The following CYRIB variants were observed in gnomAD, a reference collection of about 807,000 sequenced individuals.
The protein encoded by CYRIB is CYFIP-related Rac1 interactor B.
In CYRIB, 8 loss-of-function variants were observed where a neutral mutation model predicts 44.2. The observed-to-expected ratio is 0.18, with a 90% confidence interval of 0.11 to 0.33. The LOEUF is 0.33. Ranked by LOEUF, CYRIB falls within the 10% of genes least tolerant of loss-of-function variation. The pLI, the probability that CYRIB is intolerant of heterozygous loss-of-function variation, is 1.00. For missense variants in CYRIB, 185 were observed against 382.8 expected (o/e 0.48, Z 4.31); for synonymous variants, 131 against 127.2 (o/e 1.03, Z -0.20).
chr8:129,856,445 A>C (rs1484105494), intron 5 of CYRIB, among the ~76,000 whole-genome samples: 3 of 152,292 alleles, frequency 2.0e-5, no homozygotes, highest in Non-Finnish European at 4.4e-5. Flanking sequence ...AATACTAAAT[A>C]CTAATATTTC....
chr8:129,922,532 C>A (rs1380986261), intron 1 of CYRIB, among the ~76,000 whole-genome samples: 3 of 151,800 alleles, frequency 2.0e-5, no homozygotes, highest in Non-Finnish European at 4.4e-5. Context: ...AGTAGAACAC[C>A]CAGAAAAAAA....
At chr8:129,997,550 G>A (rs1174837135) in intron 1 of CYRIB, among the ~76,000 whole-genome samples, 1 of 152,198 alleles carries the variant, frequency 6.6e-6, no homozygotes, top group South Asian at 2.1e-4. Context: ...TGAGGGCCAA[G>A]GCACATAAAT....
chr8:129,914,869 G>A (rs1489797030), intron 1 of CYRIB, among the ~76,000 whole-genome samples: 1 of 152,140 alleles, frequency 6.6e-6, no homozygotes, highest in Admixed American at 6.6e-5. Flanking sequence ...AAGAAGGAAA[G>A]CAACTGAATC....
At chr8:129,977,453 T>C (rs965942069) in intron 1 of CYRIB, among the ~76,000 whole-genome samples, 2 of 152,152 alleles carry the variant, frequency 1.3e-5, no homozygotes, top group Non-Finnish European at 2.9e-5. Context: ...TATGTAAATG[T>C]CAATAATAAG....
intron 1 of CYRIB, among the ~76,000 whole-genome samples, chr8:129,972,276 G>A (rs1042783256): frequency 7.2e-5 from 11 of 152,060 alleles, no homozygotes; most frequent in Admixed American, 3.3e-4. Flanking sequence ...AATAATCACC[G>A]AACTGCTCAG....
chr8:129,954,980 G>A (rs1373657837), intron 2 of CYRIB, among the ~76,000 whole-genome samples: 3 of 152,134 alleles, frequency 2.0e-5, no homozygotes, highest in Non-Finnish European at 4.4e-5. Flanking sequence ...GTGGCCGGAC[G>A]CGGTGGCTGA....
intron 1 of CYRIB, among the ~76,000 whole-genome samples, chr8:130,000,542 A>G (rs2096885037): frequency 6.6e-6 from 1 of 151,892 alleles, no homozygotes; most frequent in South Asian, 2.1e-4. Flanking sequence ...AAAATATAAA[A>G]ATTAGCCAGC....
At chr8:129,850,947 A>C (rs1354864346) in intron 8 of CYRIB, 33 bp from the exon 11 acceptor site, 1 of 1,381,320 alleles carries the variant, frequency 7.2e-7, no homozygotes, top group Admixed American at 1.8e-5. Context: ...AAAAAAGTAA[A>C]AGTAACAAAC....
intron 1 of CYRIB, among the ~76,000 whole-genome samples, chr8:130,015,664 TCAAAGGACA>T (rs2097326280): frequency 6.6e-6 from 1 of 152,038 alleles, no homozygotes; most frequent in South Asian, 2.1e-4. Context: ...GACACACGTT[TCAAAGGACA>T]CACAGGTTTT....
intron 1 of CYRIB, among the ~76,000 whole-genome samples, chr8:130,012,310 A>G (rs2097243000): frequency 6.6e-6 from 1 of 152,176 alleles, no homozygotes; most frequent in East Asian, 1.9e-4. Flanking sequence ...CGCCACACAA[A>G]AGTCCACAAT....
At chr8:129,894,639 T>A (rs921521462) in intron 2 of CYRIB, 5 of 152,160 alleles carry the variant, frequency 3.3e-5, no homozygotes, top group Non-Finnish European at 1.5e-5. Flanking sequence ...AGGAGCAGTG[T>A]GAATAGTATC....
At chr8:130,004,018 TTATC>T (rs1471658309) in intron 1 of CYRIB, among the ~76,000 whole-genome samples, 1 of 152,126 alleles carries the variant, frequency 6.6e-6, no homozygotes, top group South Asian at 2.1e-4. Context: ...CTTTATTTAT[TTATC>T]TATTTATTTA....
intron 10 of CYRIB, among the ~76,000 whole-genome samples, chr8:129,847,611 G>T (rs2040845809): frequency 6.6e-6 from 1 of 152,218 alleles, no homozygotes; most frequent in Non-Finnish European, 1.5e-5. Context: ...AGTTATGAGA[G>T]GCTGAAAGCC....
chr8:129,903,528 C>A (rs1339074853), intron 1 of CYRIB, among the ~76,000 whole-genome samples, 178 bp from the exon 4 acceptor site: 2 of 152,092 alleles, frequency 1.3e-5, no homozygotes, highest in Non-Finnish European at 2.9e-5. Context: ...TATGGAGGAC[C>A]TATTTAGAGT....
At chr8:129,872,060 TATG>T (rs1218970648) in intron 3 of CYRIB, among the ~76,000 whole-genome samples, 21 of 152,220 alleles carry the variant, frequency 1.4e-4, no homozygotes, top group African/African-American at 5.1e-4. Context: ...TCTCAACATA[TATG>T]ATATTATAGG....
intron 7 of CYRIB, among the ~76,000 whole-genome samples, chr8:129,853,345 T>G (rs1300370673): frequency 6.6e-6 from 1 of 152,220 alleles, no homozygotes; most frequent in Non-Finnish European, 1.5e-5. Context: ...AAAAATCAAA[T>G]TGATGCAAAT....
intron 4 of CYRIB, chr8:129,868,661 C>T (rs953873800): frequency 7.2e-5 from 11 of 152,088 alleles, no homozygotes; most frequent in African/African-American, 2.4e-4. Context: ...AATCTTTGGT[C>T]ATAGCATTAC....
chr8:129,870,179 C>A (rs1351403835), intron 4 of CYRIB, among the ~76,000 whole-genome samples: 2 of 152,064 alleles, frequency 1.3e-5, no homozygotes, highest in Admixed American at 1.3e-4. Flanking sequence ...GAGGCCAAAG[C>A]AGGTTGGGGC....
At chr8:129,841,586 TA>T (rs2036329226) in exon 12 of CYRIB, 1 of 152,744 alleles carries the variant, frequency 6.5e-6, no homozygotes, top group Admixed American at 6.5e-5. Context: ...TAATAAAGGT[TA>T]AACACACAAC....
Sources: allele counts gnomAD v4.1 joint callset (sites outside exome capture counted in the v4.1 genomes callset), GRCh38; gene constraint gnomAD v4.1.1; transcripts MANE v1.5; gene names NCBI Gene and HGNC (gene_info 2026-07-23, HGNC 2026-07-21).